RIMBP2: variants seen among roughly 807,000 people sequenced by gnomAD.
RIMBP2 encodes the protein RIMS binding protein 2.
In RIMBP2, 48 loss-of-function variants were observed where a neutral mutation model predicts 118.6. That is an observed-to-expected ratio of 0.40 (90% confidence interval 0.32 to 0.51). The LOEUF (loss-of-function observed/expected upper bound fraction) is 0.51. Among genes scored for constraint, RIMBP2 ranks in the 20% least tolerant of loss-of-function variants. The pLI is 0.41. For missense variants in RIMBP2, 1,551 were observed against 1,768.3 expected, an observed-to-expected ratio of 0.88 and a Z score of 2.20; for synonymous variants, 762 against 742.9, an observed-to-expected ratio of 1.03 and a Z score of -0.42.
chr12:130,544,595 CCT>C (rs2054928276), intron 2 of RIMBP2, among the ~76,000 whole-genome samples: 1 of 96,952 alleles, frequency 1.0e-5, no homozygotes, highest in Admixed American at 1.5e-4. Context: ...TAACTGGAGG[CCT>C]TTTTTTTTTT....
chr12:130,593,950 A>G (rs779317135), intron 2 of RIMBP2, among the ~76,000 whole-genome samples: 27 of 152,284 alleles, frequency 1.8e-4, no homozygotes, highest in Admixed American at 3.3e-4. Context: ...TTGCGTTACA[A>G]TGTCTTCCAG....
intron 1 of RIMBP2, among the ~76,000 whole-genome samples, chr12:130,671,923 C>G (rs571734033): frequency 6.6e-6 from 1 of 152,274 alleles, no homozygotes; most frequent in South Asian, 2.1e-4. Flanking sequence ...ATTTTCATGC[C>G]ACTTAGAAGA....
At chr12:130,579,321 A>C (rs1302390007) in intron 2 of RIMBP2, among the ~76,000 whole-genome samples, 1 of 152,158 alleles carries the variant, frequency 6.6e-6, no homozygotes, top group African/African-American at 2.4e-5. Context: ...ATTTTGGTAC[A>C]TGCTGGGCAG....
chr12:130,406,774 G>A (rs2075219909), intron 20 of RIMBP2, among the ~76,000 whole-genome samples: 1 of 152,142 alleles, frequency 6.6e-6, no homozygotes, highest in African/African-American at 2.4e-5. Flanking sequence ...AGCCTCCTGA[G>A]CAGCTGGGAC....
intron 1 of RIMBP2, among the ~76,000 whole-genome samples, chr12:130,672,824 A>T (rs530091408): frequency 6.6e-6 from 1 of 152,316 alleles, no homozygotes; most frequent in East Asian, 1.9e-4. Context: ...AAAGTTTTGC[A>T]CTTTGGGTTG....
chr12:130,533,925 G>A (rs1467306372), intron 2 of RIMBP2, among the ~76,000 whole-genome samples: 1 of 152,012 alleles, frequency 6.6e-6, no homozygotes, highest in Non-Finnish European at 1.5e-5. Flanking sequence ...CAGCACTTTG[G>A]GAGGCTGAGG....
intron 1 of RIMBP2, among the ~76,000 whole-genome samples, chr12:130,637,391 G>GTGAA (rs1280374165): frequency 2.0e-5 from 3 of 152,236 alleles, no homozygotes; most frequent in Non-Finnish European, 4.4e-5. Context: ...CACATTTCGA[G>GTGAA]TGAATGAATG....
chr12:130,435,958 G>A (rs1273195881), intron 13 of RIMBP2, among the ~76,000 whole-genome samples: 3 of 152,170 alleles, frequency 2.0e-5, no homozygotes, highest in Admixed American at 2.0e-4. Flanking sequence ...CCAGCCCAGA[G>A]GAACACTCAC....
intron 2 of RIMBP2, among the ~76,000 whole-genome samples, chr12:130,541,905 T>C (rs966635524): frequency 6.6e-6 from 1 of 152,254 alleles, no homozygotes; most frequent in African/African-American, 2.4e-5. Context: ...GGTTCTCTTC[T>C]GAGCAAGCTA....
intron 4 of RIMBP2, among the ~76,000 whole-genome samples, chr12:130,481,208 A>AGGTGGTGAGGGCG (rs1209030060): frequency 5.2e-4 from 79 of 151,796 alleles, no homozygotes; most frequent in Admixed American, 9.2e-4. Context: ...AGGAGGAGGC[A>AGGTGGTGAGGGCG]GACAGGCTGA....
rs1196249408 is a variant in RIMBP2 at position 130,617,307 on chromosome 12, A to G, written c.-217+11015T>C. Among the ~76,000 whole-genome samples the G allele has an allele frequency of 6.6e-6, 1 of 152,150 alleles. No homozygotes were observed. Among genetic ancestry groups the G allele is most frequent in the African/African-American group, 2.4e-5 (1 of 41,432 alleles). ...TGGACCAGGCTTAGAACCCAGGTCC[A>G]TCCTCATGCAAATGGCGTCATCCCT... On this transcript the variant is annotated intron_variant, in intron 2 of 22. Transcript: ENST00000690449. This position sits in a 1 kb window ranked among gnomAD's most constrained non-coding sequence, Gnocchi z 4.6.
intron 1 of RIMBP2, among the ~76,000 whole-genome samples, chr12:130,646,191 C>T (rs1354296480): frequency 2.6e-5 from 2 of 77,744 alleles, no homozygotes; most frequent in Admixed American, 1.2e-4. Context: ...ACCTCCCTCA[C>T]CACTTCCCTC....
intron 2 of RIMBP2, among the ~76,000 whole-genome samples, chr12:130,533,312 C>T (rs1566212581): frequency 6.6e-6 from 1 of 152,144 alleles, no homozygotes; most frequent in Non-Finnish European, 1.5e-5. Flanking sequence ...AAAAAATGCC[C>T]ATCATCACTA....
intron 17 of RIMBP2, among the ~76,000 whole-genome samples, chr12:130,418,289 C>A (rs1441342311): frequency 1.3e-5 from 2 of 152,170 alleles, no homozygotes; most frequent in African/African-American, 2.4e-5. Flanking sequence ...TCATTAATTT[C>A]TCCAGGCTGT....
Position 130,457,324 on chromosome 12 carries a change from G to A in RIMBP2, c.154-624C>T, listed in dbSNP as rs76970601. 5.6e-3 allele frequency among the ~76,000 whole-genome samples: 846 copies of A among 152,290 alleles called. 5 individuals are homozygous for A. Among genetic ancestry groups the A allele is most frequent in the Non-Finnish European group, 7.2e-3 (488 of 68,010 alleles). Reference sequence around the variant, plus strand: ...TTTGCAGACAACACGAAGCCACGTCGGGAGCCCTGGGGAAGGCAAGCGTCT... The same window carrying A: ...TTTGCAGACAACACGAAGCCACGTCAGGAGCCCTGGGGAAGGCAAGCGTCT... On this transcript the variant is annotated intron_variant, in intron 6 of 22. Coordinates refer to ENST00000690449, the MANE Select transcript of RIMBP2 (RefSeq NM_001393629.1).
Position 130,442,478 on chromosome 12 carries a change from C to T in RIMBP2, c.874G>A (p.Ala292Thr). Residue 292 changes from alanine to threonine, a missense_variant, in exon 11 of 23, where the codon GCG becomes ACG. Transcript: ENST00000690449. The surrounding 1 kb of genome is among the most constrained non-coding windows in gnomAD (Gnocchi z 6.9). ...CCGGCACTGTTGTCGGTGATGCCCG[C>T]ATCTATGTGGGTTGGGGAGTGGAGG... Reference protein sequence around the residue: ...LDLHSPTHIDAGITDNSAGTL... With the variant: ...LDLHSPTHIDTGITDNSAGTL... The T allele has an allele frequency of 1.2e-6, 2 of 1,614,240 alleles. No individual in the cohort carries two copies. Among genetic ancestry groups the T allele is most frequent in the Non-Finnish European group, 1.7e-6 (2 of 1,180,048 alleles).
intron 2 of RIMBP2, among the ~76,000 whole-genome samples, chr12:130,540,641 CCCTG>C (rs1012851922): frequency 2.0e-5 from 3 of 152,108 alleles, no homozygotes; most frequent in Non-Finnish European, 4.4e-5. Context: ...CTGACCAACT[CCCTG>C]CCTAATTCCT....
intron 2 of RIMBP2, among the ~76,000 whole-genome samples, chr12:130,518,194 C>T (rs57218484): frequency 0.052 from 7,919 of 152,202 alleles, 277 homozygotes; most frequent in South Asian, 0.16. Context: ...AAAAAAGCAA[C>T]GGAACTTCTC....
At chr12:130,607,518 T>C (rs10773801) in intron 2 of RIMBP2, among the ~76,000 whole-genome samples, 117,964 of 151,822 alleles carry the variant, frequency 0.78, 45,860 homozygotes, top group South Asian at 0.86. Flanking sequence ...TGCTTCCACA[T>C]GCTCGGTGGG....
Sources: allele counts gnomAD v4.1 joint callset (sites outside exome capture counted in the v4.1 genomes callset), GRCh38; gene constraint gnomAD v4.1.1; non-coding constraint Gnocchi (gnomAD v3.1); transcripts MANE v1.5; gene names NCBI Gene and HGNC (gene_info 2026-07-23, HGNC 2026-07-21).